Variants in TP63 observed in about 807,000 individuals in gnomAD.
TP63 encodes the protein tumor protein p63, also known as tumor protein 63.
A neutral mutation model predicts 82.8 loss-of-function variants in TP63; 17 were observed. That is an observed-to-expected ratio of 0.21 (90% CI 0.14 to 0.31). The LOEUF is 0.31. TP63 is among the 10% of genes least tolerant of loss of function. The pLI, the probability that TP63 is intolerant of heterozygous loss-of-function variation, is 1.00. For synonymous variants in TP63, 330 were observed against 321.7 expected (o/e 1.03, Z -0.28); for missense variants, 648 against 895.3 (o/e 0.72, Z 3.52).
At chr3:189,739,958 C>T (rs1720863343) in intron 3 of TP63, among the ~76,000 whole-genome samples, 1 of 151,958 alleles carries the variant, frequency 6.6e-6, no homozygotes, top group Non-Finnish European at 1.5e-5. Flanking sequence ...ATATGTTTTA[C>T]TGGAATTTTT....
intron 4 of TP63, among the ~76,000 whole-genome samples, chr3:189,844,853 A>G (rs1714661536): frequency 6.6e-6 from 1 of 152,100 alleles, no homozygotes; most frequent in Admixed American, 6.5e-5. Context: ...GGACCCTCAA[A>G]TTTTTATTTT....
At chr3:189,793,950 T>A (rs1328492724) in intron 3 of TP63, among the ~76,000 whole-genome samples, 1 of 152,022 alleles carries the variant, frequency 6.6e-6, no homozygotes, top group Non-Finnish European at 1.5e-5. Flanking sequence ...ACATTTTGGG[T>A]CTGGAAGAGC....
intron 9 of TP63, among the ~76,000 whole-genome samples, chr3:189,871,080 A>G (rs1029454448): frequency 1.3e-5 from 2 of 152,290 alleles, no homozygotes; most frequent in Middle Eastern, 3.4e-3. Flanking sequence ...AAAAGTCTTA[A>G]TATGTTTTCA....
At chr3:189,675,886 T>A (rs1715347781) in intron 1 of TP63, among the ~76,000 whole-genome samples, 1 of 152,126 alleles carries the variant, frequency 6.6e-6, no homozygotes, top group African/African-American at 2.4e-5. Context: ...TTAGCTCTTC[T>A]GAGGAACAGA....
At chr3:189,622,031 C>A in the TP63 span, among the ~76,000 whole-genome samples, 1 of 152,220 alleles carries the variant, frequency 6.6e-6, no homozygotes, top group African/African-American at 2.4e-5. Context: ...GGGGATTCCC[C>A]TGTAAAGATG....
chr3:189,780,999 G>T (rs11708052), intron 3 of TP63, among the ~76,000 whole-genome samples: 31,528 of 152,008 alleles, frequency 0.21, 4,038 homozygotes, highest in Admixed American at 0.3. Flanking sequence ...GCATAGTGAG[G>T]GACTGGTGTC....
chr3:189,624,492 C>T, the TP63 span, among the ~76,000 whole-genome samples: 10 of 152,170 alleles, frequency 6.6e-5, no homozygotes, highest in East Asian at 1.9e-3. Context: ...TGGGGTTGAA[C>T]AGAATCTTTA....
intron 3 of TP63, among the ~76,000 whole-genome samples, chr3:189,740,979 A>G (rs1334277241): frequency 2.6e-5 from 4 of 152,186 alleles, no homozygotes. Context: ...TCTAAAGTAG[A>G]ACAGGGCTGT....
chr3:189,654,673 A>T (rs1020724823), intron 1 of TP63, among the ~76,000 whole-genome samples: 1 of 152,198 alleles, frequency 6.6e-6, no homozygotes, highest in Non-Finnish European at 1.5e-5. Flanking sequence ...CTAAAAAATG[A>T]TTAATGGAAT....
intron 4 of TP63, among the ~76,000 whole-genome samples, chr3:189,818,013 A>G (rs1728382828): frequency 6.6e-6 from 1 of 151,764 alleles, no homozygotes; most frequent in Admixed American, 6.6e-5. Flanking sequence ...ATAACAATGG[A>G]ATTAATTTAC....
intron 4 of TP63, among the ~76,000 whole-genome samples, chr3:189,825,670 C>CT (rs1729272281): frequency 6.6e-6 from 1 of 152,104 alleles, no homozygotes; most frequent in Admixed American, 6.6e-5. Context: ...TATTCTTTCC[C>CT]TTTATCATAT....
rs79866757 is a variant in TP63, at chr3:189,815,420, T to C, written c.579+6894T>C. The stretch of plus-strand genomic sequence containing the variant: ...AGTACAGAAACTGTGGCAAAAGAGC[T>C]TATATACTGTATCTACAAGGACATC... On this transcript the variant is annotated intron_variant, in intron 4 of 13. Transcript: ENST00000264731. Among the ~76,000 whole-genome samples the C allele has an allele frequency of 3.3e-3, 508 of 152,246 alleles. 1 individual carries two copies. Among genetic ancestry groups the C allele is most frequent in the African/African-American group, 0.012 (496 of 41,536 alleles).
At position 189,805,563 on chromosome 3, in the gene TP63, T is replaced by C. The variant is rs185932853; in HGVS notation, c.325-2709T>C. ...AGGCTTGTTTACCCTTGGCCTTATATGGCACCAAACACTGTTTCAGGACAG... is the reference window on the plus strand; with the variant it reads ...AGGCTTGTTTACCCTTGGCCTTATACGGCACCAAACACTGTTTCAGGACAG... On this transcript the variant is annotated intron_variant, in intron 3 of 13. Transcript: ENST00000264731. 9.8e-5 allele frequency among the ~76,000 whole-genome samples: 15 copies of C among 152,374 alleles called. No homozygotes were observed. The East Asian group carries it at 2.9e-3, about 29-fold the overall frequency.
intron 10 of TP63, among the ~76,000 whole-genome samples, chr3:189,885,646 G>A (rs1294627455): frequency 6.6e-6 from 1 of 152,094 alleles, no homozygotes; most frequent in Non-Finnish European, 1.5e-5. Context: ...AATGAGTTCT[G>A]GTAACTTTCC....
At position 189,770,828 on chromosome 3, in the gene TP63, T is replaced by C. The variant is rs147612402; in HGVS notation, c.324+32054T>C. Among the ~76,000 whole-genome samples, 1,262 of 152,298 alleles carry C rather than the reference T, an allele frequency of 8.3e-3. 14 individuals are homozygous for C. Among genetic ancestry groups the C allele is most frequent in the Middle Eastern group, 0.014 (4 of 294 alleles). On this transcript the variant is annotated intron_variant, in intron 3 of 13. Coordinates refer to ENST00000264731, the MANE Select transcript of TP63 (RefSeq NM_003722.5). ...GTATCAGTCACTTCCACTGTATAAA[T>C]CATGTAATATGTCAGAGGTTTTTGT...
At chr3:189,871,372 A>G (rs1457181437) in intron 9 of TP63, among the ~76,000 whole-genome samples, 1 of 152,178 alleles carries the variant, frequency 6.6e-6, no homozygotes, top group African/African-American at 2.4e-5. Context: ...TAATAAATAA[A>G]TGTAATGTAA....
intron 4 of TP63, among the ~76,000 whole-genome samples, chr3:189,850,916 T>C (rs1447852941): frequency 6.6e-6 from 1 of 152,222 alleles, no homozygotes; most frequent in East Asian, 1.9e-4. Flanking sequence ...TTTAAATGGT[T>C]AACATTCAAA....
Position 189,895,108 on chromosome 3 carries a change from A to G in TP63, c.*606A>G. On this transcript the variant is annotated 3_prime_UTR_variant, in exon 14 of 14. Coordinates refer to ENST00000264731, the MANE Select transcript of TP63 (RefSeq NM_003722.5). ...CATGCCACATCAAACCTTTGAGTAG[A>G]TCCATTTCCATTGCTTATTATGTAG... 4.5e-6 allele frequency: 1 copy of G among 221,072 alleles called. No homozygotes were observed. The highest frequency in any genetic ancestry group is 9.1e-6 in the Non-Finnish European group (1 of 110,388). 13.7% of individuals were successfully genotyped at this position (221,072 alleles called of 1,614,324 possible).
Position 189,894,748 on chromosome 3 carries a change from C to A in TP63, c.*246C>A. The A allele has an allele frequency of 5.7e-6, 3 of 528,840 alleles. No individual in the cohort carries two copies. Among genetic ancestry groups the A allele is most frequent in the Non-Finnish European group, 6.8e-6 (2 of 295,848 alleles). 32.8% of individuals were successfully genotyped at this position (528,840 alleles called of 1,614,324 possible). The stretch of plus-strand genomic sequence containing the variant: ...GCTGCCATGGCTAGGTAGAAGTGAG[C>A]AAAAAAGAGTTGGGTGTCTCCTTAA... On this transcript the variant is annotated 3_prime_UTR_variant, in exon 14 of 14. Coordinates refer to ENST00000264731, the MANE Select transcript of TP63 (RefSeq NM_003722.5).
Sources: allele counts gnomAD v4.1 joint callset (sites outside exome capture counted in the v4.1 genomes callset), GRCh38; gene constraint gnomAD v4.1.1; transcripts MANE v1.5; gene names NCBI Gene and HGNC (gene_info 2026-07-23, HGNC 2026-07-21).